Variants in PPP2R2A observed in about 807,000 individuals in gnomAD.
PPP2R2A encodes the protein protein phosphatase 2 regulatory subunit Balpha.
Under a neutral mutation model 53.2 loss-of-function variants are expected in PPP2R2A, and 9 were observed. The observed-to-expected ratio is 0.17, with a 90% CI of 0.10 to 0.30. PPP2R2A has a LOEUF of 0.30. Ranked by LOEUF, PPP2R2A falls within the 10% of genes least tolerant of loss-of-function variation. The pLI is 1.00. For missense variants in PPP2R2A, 235 were observed against 534.6 expected, an observed-to-expected ratio of 0.44 and a Z score of 5.53; for synonymous variants, 169 against 174.2, an observed-to-expected ratio of 0.97 and a Z score of 0.23.
At chr8:26,292,255 T>C (rs1360997677) in intron 1 of PPP2R2A, 2 of 1,009,904 alleles carry the variant, frequency 2.0e-6, no homozygotes, top group Non-Finnish European at 2.4e-6. Flanking sequence ...CTTGGGTGTA[T>C]ATACACATTT....
chr8:26,361,835 C>G (rs1046974170), intron 6 of PPP2R2A, among the ~76,000 whole-genome samples: 24 of 151,834 alleles, frequency 1.6e-4, no homozygotes, highest in Non-Finnish European at 2.7e-4. Flanking sequence ...GTGGCGCATG[C>G]CTGTAATCTA....
Position 26,354,467 on chromosome 8 carries a change from G to A in PPP2R2A, c.181-1G>A. 2 of 1,507,396 alleles carry A rather than the reference G, an allele frequency of 1.3e-6. No individual in the cohort carries two copies. The highest frequency in any genetic ancestry group is 8.9e-7 in the Non-Finnish European group (1 of 1,124,338). 93.4% of individuals were successfully genotyped at this position (1,507,396 alleles called of 1,614,324 possible). On this transcript the variant is annotated splice_acceptor_variant, in intron 3 of 9. Coordinates refer to ENST00000380737, the MANE Select transcript of PPP2R2A (RefSeq NM_002717.4). LOFTEE classifies it high-confidence loss of function. This position sits in a 1 kb window ranked among gnomAD's most constrained non-coding sequence, Gnocchi z 4.6. The stretch of plus-strand genomic sequence containing the variant: ...TCCATATATTTTTGTTTTCATTTTA[G>A]AACAAAATCCAGTCTCATAGCAGAG...
At chr8:26,291,969 G>T (rs955641325) in intron 1 of PPP2R2A, 143 bp downstream of exon 1, 3 of 1,219,224 alleles carry the variant, frequency 2.5e-6, no homozygotes, top group Non-Finnish European at 3.3e-6. Context: ...GAGGGGTGGG[G>T]TGGGGGCGGG....
intron 2 of PPP2R2A, among the ~76,000 whole-genome samples, chr8:26,330,612 G>A (rs1018194461): frequency 6.6e-6 from 1 of 152,112 alleles, no homozygotes; most frequent in African/African-American, 2.4e-5. Context: ...GAGCCACTGT[G>A]CCTGGGCCAT....
In PPP2R2A at chr8:26,360,406, C is replaced by G. The variant is rs1200557360; in HGVS notation, c.459+125C>G. 3 of 554,452 alleles carry G rather than the reference C, an allele frequency of 5.4e-6. No homozygotes were observed. The highest frequency in any genetic ancestry group is 9.4e-6 in the Non-Finnish European group (3 of 319,844). 34.3% of individuals were successfully genotyped at this position (554,452 alleles called of 1,614,324 possible). ...TCCCCTTTCCCAGTAATTCTGTAAT[C>G]AGGTAGGACATTGAGTAACTCATTT... On this transcript the variant is annotated intron_variant, in intron 5 of 9. Transcript: ENST00000380737. This position sits in a 1 kb window ranked among gnomAD's most constrained non-coding sequence, Gnocchi z 4.5.
chr8:26,296,702 G>A (rs1192338091), intron 2 of PPP2R2A, among the ~76,000 whole-genome samples: 19 of 152,152 alleles, frequency 1.2e-4, no homozygotes, highest in Admixed American at 1.1e-3. Context: ...GCACACAGTA[G>A]TTGAATATTT....
At position 26,311,495 on chromosome 8, in the gene PPP2R2A, T is replaced by C. The variant is rs114701172; in HGVS notation, c.82+17755T>C. Among the ~76,000 whole-genome samples the C allele has an allele frequency of 6.6e-3, 1,000 of 152,270 alleles. 12 individuals are homozygous for C. Among genetic ancestry groups the C allele is most frequent in the African/African-American group, 0.023 (937 of 41,554 alleles). On this transcript the variant is annotated intron_variant, in intron 2 of 9. Transcript: ENST00000380737. ...TAGGGTCTGGCACTTTGACTATTAA[T>C]TTGACTAATTTAAAATTATTGTGCT...
intron 4 of PPP2R2A, among the ~76,000 whole-genome samples, chr8:26,359,477 A>G (rs1804964446): frequency 6.6e-6 from 1 of 152,226 alleles, no homozygotes; most frequent in Non-Finnish European, 1.5e-5. Context: ...CTTTCTGTAA[A>G]TCTAAACTTA....
intron 2 of PPP2R2A, among the ~76,000 whole-genome samples, chr8:26,313,357 A>G (rs1047405835): frequency 2.6e-5 from 4 of 152,066 alleles, no homozygotes; most frequent in Non-Finnish European, 4.4e-5. Flanking sequence ...TCTAAACTAC[A>G]TGCTCATACA....
intron 8 of PPP2R2A, chr8:26,366,098 T>C (rs1215761259): frequency 4.5e-6 from 2 of 447,816 alleles, no homozygotes; most frequent in East Asian, 7.9e-5. Context: ...GAATGGAGTT[T>C]TCCTTTGTCA....
intron 2 of PPP2R2A, among the ~76,000 whole-genome samples, chr8:26,294,800 G>C (rs1801473316): frequency 6.6e-6 from 1 of 152,088 alleles, no homozygotes; most frequent in Non-Finnish European, 1.5e-5. Flanking sequence ...CTGTTTTAGA[G>C]TGTGGTGAAT....
chr8:26,292,429 C>G, intron 1 of PPP2R2A: 1 of 985,450 alleles, frequency 1.0e-6, no homozygotes, highest in Non-Finnish European at 1.2e-6. Context: ...CCGAAGAGTG[C>G]AAGGCCTTTC....
intron 2 of PPP2R2A, among the ~76,000 whole-genome samples, chr8:26,301,308 A>C (rs1585323458): frequency 6.7e-6 from 1 of 148,334 alleles, no homozygotes; most frequent in South Asian, 2.1e-4. Context: ...AGCTAATGCC[A>C]TTCTTTTTTT....
intron 2 of PPP2R2A, among the ~76,000 whole-genome samples, chr8:26,300,545 C>T (rs918345795): frequency 4.6e-5 from 7 of 152,080 alleles, no homozygotes; most frequent in Non-Finnish European, 1.0e-4. Context: ...AAGGTGCTTC[C>T]TCAGCAGACA....
chr8:26,301,444 T>C (rs546212851), intron 2 of PPP2R2A, among the ~76,000 whole-genome samples: 2 of 151,874 alleles, frequency 1.3e-5, no homozygotes, highest in East Asian at 3.9e-4. Flanking sequence ...GCGATCCTCC[T>C]GCCCCAGCCT....
intron 2 of PPP2R2A, among the ~76,000 whole-genome samples, chr8:26,299,370 T>C (rs1801682490): frequency 6.6e-6 from 1 of 152,222 alleles, no homozygotes; most frequent in South Asian, 2.1e-4. Flanking sequence ...ATTAAATATT[T>C]AATAATGAAC....
At chr8:26,298,735 G>A (rs1009688630) in intron 2 of PPP2R2A, 5 of 152,166 alleles carry the variant, frequency 3.3e-5, no homozygotes, top group Admixed American at 6.5e-5. Context: ...GTTGTCAATG[G>A]CCAGTGTTGC....
At chr8:26,347,417 GTTT>G (rs10706344) in intron 3 of PPP2R2A, among the ~76,000 whole-genome samples, 14 of 142,184 alleles carry the variant, frequency 9.8e-5, no homozygotes, top group Admixed American at 4.2e-4. Context: ...TGCATGGAGG[GTTT>G]TTTTTTTTTT....
chr8:26,302,474 A>G (rs923536734), intron 2 of PPP2R2A, among the ~76,000 whole-genome samples: 1 of 152,236 alleles, frequency 6.6e-6, no homozygotes, highest in Non-Finnish European at 1.5e-5. Flanking sequence ...ATGTGATGTT[A>G]AACAGTCATA....
Sources: gnomAD v4.1 joint callset for allele counts (sites outside exome capture counted in the v4.1 genomes callset) on GRCh38, gnomAD v4.1.1 for gene constraint, Gnocchi (gnomAD v3.1) non-coding constraint, MANE v1.5 for transcripts, NCBI Gene and HGNC (gene_info 2026-07-23, HGNC 2026-07-21) for gene names.